LARGE1: variants seen among roughly 807,000 people sequenced by gnomAD.
LARGE1 encodes the protein xylosyl- and glucuronyltransferase LARGE1.
Under a neutral mutation model 87.6 loss-of-function variants are expected in LARGE1, and 43 were observed. The observed-to-expected ratio is 0.49, with a 90% CI of 0.38 to 0.63. The LOEUF (loss-of-function observed/expected upper bound fraction) is 0.63, where lower values mean the gene tolerates loss of function less well. Ranked by LOEUF, LARGE1 falls within the 30% of genes least tolerant of loss-of-function variation. The pLI, the probability that LARGE1 is intolerant of heterozygous loss-of-function variation, is 0.00. For missense variants in LARGE1, 802 were observed against 1,000.2 expected, an observed-to-expected ratio of 0.80 and a Z score of 2.67; for synonymous variants, 434 against 394.6, an observed-to-expected ratio of 1.10 and a Z score of -1.18.
intron 1 of LARGE1, among the ~76,000 whole-genome samples, chr22:33,878,341 G>A (rs2064551593): frequency 6.6e-6 from 1 of 151,442 alleles, no homozygotes; most frequent in Non-Finnish European, 1.5e-5. Context: ...ATATTGGCCA[G>A]GCTGGTCGCA....
the LARGE1 span, among the ~76,000 whole-genome samples, chr22:33,086,668 G>A: frequency 2.7e-5 from 4 of 148,850 alleles, no homozygotes; most frequent in Non-Finnish European, 4.4e-5. Flanking sequence ...TTCTCCTGCC[G>A]CAGCCTTCCC....
chr22:33,390,779 C>T (rs924112373), intron 7 of LARGE1, among the ~76,000 whole-genome samples: 9 of 151,794 alleles, frequency 5.9e-5, no homozygotes, highest in South Asian at 4.2e-4. Context: ...CTGCACCCTC[C>T]GCCTCCCAGG....
exon 12 of LARGE1, chr22:33,162,487 A>T (rs1922064558): frequency 6.6e-6 from 1 of 152,224 alleles, no homozygotes; most frequent in Admixed American, 6.5e-5. Context: ...GGATGATGGG[A>T]ACTACAATTC....
chr22:33,881,742 T>C (rs1198308415), intron 1 of LARGE1, among the ~76,000 whole-genome samples: 1 of 152,190 alleles, frequency 6.6e-6, no homozygotes, highest in Non-Finnish European at 1.5e-5. Context: ...ATGTTAAGCC[T>C]TGCGGTTTCA....
the LARGE1 span, among the ~76,000 whole-genome samples, chr22:33,078,810 T>C: frequency 6.6e-6 from 1 of 152,094 alleles, no homozygotes; most frequent in East Asian, 1.9e-4. Flanking sequence ...GCACAGAGGG[T>C]CACAGAAAAG....
chr22:33,898,721 T>G (rs2065210286), intron 1 of LARGE1, among the ~76,000 whole-genome samples: 1 of 152,104 alleles, frequency 6.6e-6, no homozygotes. Context: ...GCCATTGCAC[T>G]CCAGCCTGGG....
intron 1 of LARGE1, among the ~76,000 whole-genome samples, chr22:33,889,568 C>A (rs2064950803): frequency 6.6e-6 from 1 of 152,164 alleles, no homozygotes; most frequent in Non-Finnish European, 1.5e-5. Context: ...TCTGTTCAAT[C>A]AACTCACGCC....
chr22:33,375,982 A>T (rs1037444514), intron 9 of LARGE1, among the ~76,000 whole-genome samples: 1 of 152,222 alleles, frequency 6.6e-6, no homozygotes, highest in African/African-American at 2.4e-5. Flanking sequence ...TTTGATAAAA[A>T]CTAAATTTAT....
intron 9 of LARGE1, among the ~76,000 whole-genome samples, chr22:33,346,395 C>A (rs1173820884): frequency 1.3e-5 from 2 of 151,934 alleles, no homozygotes; most frequent in Non-Finnish European, 2.9e-5. Context: ...CTCCACCTCC[C>A]CGGTTTAAGC....
At chr22:33,425,035 G>A (rs962708955) in intron 7 of LARGE1, among the ~76,000 whole-genome samples, 1 of 151,944 alleles carries the variant, frequency 6.6e-6, no homozygotes, top group African/African-American at 2.4e-5. Flanking sequence ...AGGTGGAAAC[G>A]GGTGGATCAT....
chr22:33,081,264 C>G, the LARGE1 span, among the ~76,000 whole-genome samples: 1 of 152,166 alleles, frequency 6.6e-6, no homozygotes, highest in Admixed American at 6.5e-5. Context: ...GTTTAAATCA[C>G]CCAGTCTATG....
At chr22:33,673,584 T>C (rs1488948368) in intron 2 of LARGE1, among the ~76,000 whole-genome samples, 1 of 152,214 alleles carries the variant, frequency 6.6e-6, no homozygotes, top group African/African-American at 2.4e-5. Context: ...TACAGCTCAG[T>C]AGCATGAAGC....
rs1368919693 is a variant in LARGE1 at position 33,285,489 on chromosome 22, T to TG, written c.1731-2142dup. Among the ~76,000 whole-genome samples, 19 of 151,834 alleles carry TG rather than the reference T, an allele frequency of 1.3e-4. No homozygotes were observed. The South Asian group carries it at 3.3e-3, about 27-fold the overall frequency. On this transcript the variant is annotated intron_variant, in intron 12 of 14. Coordinates refer to ENST00000397394, the MANE Select transcript of LARGE1 (RefSeq NM_133642.5). ...AAATACAAAAATTAGCCGGGCGTGG[T>TG]GGGGGGTGCTGGTAGTCCCAGCTAT...
chr22:33,224,913 G>C (rs1005275351), intron 11 of LARGE1, among the ~76,000 whole-genome samples: 4 of 152,254 alleles, frequency 2.6e-5, no homozygotes, highest in African/African-American at 9.6e-5. Context: ...GAGGACAAGG[G>C]AAAAGAGATT....
intron 7 of LARGE1, among the ~76,000 whole-genome samples, chr22:33,415,858 G>A (rs1306456819): frequency 1.3e-5 from 2 of 152,260 alleles, no homozygotes; most frequent in East Asian, 3.9e-4. Flanking sequence ...AGGGCCAGGC[G>A]GGAAACTGTA....
intron 1 of LARGE1, among the ~76,000 whole-genome samples, chr22:33,824,551 G>A (rs1230639700): frequency 1.3e-5 from 2 of 151,988 alleles, no homozygotes; most frequent in Non-Finnish European, 2.9e-5. Flanking sequence ...ATTTGGGTGG[G>A]GACACAGAGC....
chr22:33,382,119 G>T, intron 8 of LARGE1, 75 bp from the exon 9 acceptor site: 1 of 1,590,522 alleles, frequency 6.3e-7, no homozygotes, highest in Non-Finnish European at 8.6e-7. Context: ...TCAAGGCACT[G>T]CATCCCCTGT....
At chr22:33,263,974 C>G (rs963660213) in intron 11 of LARGE1, among the ~76,000 whole-genome samples, 10 of 152,160 alleles carry the variant, frequency 6.6e-5, no homozygotes, top group African/African-American at 2.4e-4. Flanking sequence ...TTGATCTGCC[C>G]CTCTGTAAAA....
the LARGE1 span, among the ~76,000 whole-genome samples, chr22:33,153,667 A>G: frequency 2.6e-5 from 4 of 152,214 alleles, no homozygotes; most frequent in Non-Finnish European, 5.9e-5. Context: ...AGACACATTT[A>G]CTTAACACTC....
Sources: allele counts gnomAD v4.1 joint callset (sites outside exome capture counted in the v4.1 genomes callset), GRCh38; gene constraint gnomAD v4.1.1; transcripts MANE v1.5; gene names NCBI Gene and HGNC (gene_info 2026-07-23, HGNC 2026-07-21).